The following TAFA2 variants were observed in gnomAD, a reference collection of about 807,000 sequenced individuals.
TAFA2 encodes chemokine-like protein TAFA-2.
A neutral mutation model predicts 18.8 loss-of-function variants in TAFA2; 7 were observed. The ratio of observed to expected loss-of-function variants is 0.37; its 90% CI spans 0.21 to 0.70. TAFA2 has a LOEUF of 0.70. Ranked by LOEUF, TAFA2 falls within the 30% of genes least tolerant of loss-of-function variation. The pLI is 0.53. For synonymous variants in TAFA2, 60 were observed against 54.2 expected (o/e 1.11, Z -0.47); for missense variants, 122 against 158.1 (o/e 0.77, Z 1.23).
intron 1 of TAFA2, among the ~76,000 whole-genome samples, chr12:62,202,617 C>A (rs202078330): frequency 3.3e-5 from 5 of 151,818 alleles, no homozygotes; most frequent in African/African-American, 4.8e-5. Flanking sequence ...CCACTGTGCC[C>A]GGTCCTTTCT....
intron 2 of TAFA2, among the ~76,000 whole-genome samples, chr12:61,787,285 G>T (rs1339030129): frequency 7.3e-5 from 11 of 151,516 alleles, no homozygotes; most frequent in Non-Finnish European, 1.6e-4. Flanking sequence ...TTCACCACCA[G>T]ACTGATCTTA....
chr12:62,153,091 GA>G (rs757777061), intron 1 of TAFA2, among the ~76,000 whole-genome samples: 1 of 152,100 alleles, frequency 6.6e-6, no homozygotes. Flanking sequence ...TCCCACAATT[GA>G]AATTGGAAAT....
intron 2 of TAFA2, among the ~76,000 whole-genome samples, chr12:61,756,033 C>T (rs1869250192): frequency 6.6e-6 from 1 of 151,886 alleles, no homozygotes; most frequent in African/African-American, 2.4e-5. Flanking sequence ...TGTTTAATGG[C>T]ATAAACATAA....
At chr12:61,777,335 T>C (rs1290826553) in intron 2 of TAFA2, among the ~76,000 whole-genome samples, 2 of 151,836 alleles carry the variant, frequency 1.3e-5, no homozygotes, top group Non-Finnish European at 2.9e-5. Flanking sequence ...ATCGGGAGGA[T>C]TAAACAAGAT....
intron 1 of TAFA2, among the ~76,000 whole-genome samples, chr12:61,901,664 CA>C (rs1248294891): frequency 2.0e-5 from 3 of 151,914 alleles, no homozygotes; most frequent in African/African-American, 7.2e-5. Context: ...TTATTTTTTT[CA>C]GGTAAGATCA....
chr12:62,152,023 T>A (rs1189110293), intron 1 of TAFA2, among the ~76,000 whole-genome samples: 1 of 152,200 alleles, frequency 6.6e-6, no homozygotes, highest in Non-Finnish European at 1.5e-5. Context: ...CATTTTTGAT[T>A]TAGTGTATTC....
chr12:61,879,624 A>C, intron 1 of TAFA2: 1 of 817,774 alleles, frequency 1.2e-6, no homozygotes, highest in Non-Finnish European at 2.2e-6. Flanking sequence ...ATTCAAAACA[A>C]GTTTGCCTCC....
intron 1 of TAFA2, among the ~76,000 whole-genome samples, chr12:61,948,854 C>T (rs1878369965): frequency 6.6e-6 from 1 of 152,320 alleles, no homozygotes; most frequent in Admixed American, 6.5e-5. Context: ...ATAGTGTGAG[C>T]TAAGCAGAAG....
intron 1 of TAFA2, among the ~76,000 whole-genome samples, chr12:61,907,142 A>G (rs1167619978): frequency 6.6e-6 from 1 of 152,252 alleles, no homozygotes; most frequent in Non-Finnish European, 1.5e-5. Flanking sequence ...ACAGATTTGC[A>G]TAAGCAATGA....
In TAFA2 at chr12:61,853,391, G is replaced by A. The variant is rs140367062; in HGVS notation, c.106+13929C>T. Among the ~76,000 whole-genome samples, 221 of 152,124 alleles carry A rather than the reference G, an allele frequency of 1.5e-3. 4 individuals carry two copies. The highest frequency in any genetic ancestry group is 5.1e-3 in the African/African-American group (212 of 41,498). On this transcript the variant is annotated intron_variant, in intron 2 of 4. Coordinates refer to ENST00000416284, the MANE Select transcript of TAFA2 (RefSeq NM_178539.5). Reference sequence around the variant, plus strand: ...ATAAGACAGAGAGTGACAAGATGAGGAAGAGTATAAAAAAAATTTAAAACA... The same window carrying A: ...ATAAGACAGAGAGTGACAAGATGAGAAAGAGTATAAAAAAAATTTAAAACA...
chr12:61,770,243 G>C (rs929278877), intron 2 of TAFA2, among the ~76,000 whole-genome samples: 1 of 151,998 alleles, frequency 6.6e-6, no homozygotes, highest in Non-Finnish European at 1.5e-5. Context: ...TTGGAATTAT[G>C]TTAATCAAAC....
rs1022826137 is a variant in TAFA2, at chr12:62,191,607, T to G, written c.-350A>C. 1 of 152,214 alleles carries G rather than the reference T, an allele frequency of 6.6e-6. No homozygotes were observed. The highest frequency in any genetic ancestry group is 2.4e-5 in the African/African-American group (1 of 41,448). The allele number at this position is 152,214 out of a possible 1,614,324, so 9.4% of individuals were successfully genotyped here. A position where few individuals can be genotyped will look rare whatever the true frequency, so the allele number is the denominator to read the frequency against. ...CCACAGTGTCAAAGTAATCAAAAGA[T>G]TTGTTTACTGAGGAAAAGCCAAAGT... On this transcript the variant is annotated 5_prime_UTR_variant, in exon 1 of 5. Transcript: ENST00000416284.
intron 1 of TAFA2, among the ~76,000 whole-genome samples, chr12:62,040,582 A>G (rs1881730710): frequency 6.6e-6 from 1 of 152,144 alleles, no homozygotes; most frequent in Non-Finnish European, 1.5e-5. Flanking sequence ...GAGCCAAGGA[A>G]GCACTCTCCT....
chr12:62,110,166 T>C (rs1869658308), intron 1 of TAFA2, among the ~76,000 whole-genome samples: 1 of 152,196 alleles, frequency 6.6e-6, no homozygotes, highest in Non-Finnish European at 1.5e-5. Context: ...ATACCTAGTT[T>C]ATTGAGAGTT....
intron 1 of TAFA2, among the ~76,000 whole-genome samples, chr12:62,093,001 A>G (rs988701193): frequency 6.6e-5 from 10 of 152,052 alleles, no homozygotes; most frequent in African/African-American, 2.4e-4. Flanking sequence ...TTTATTTGAT[A>G]TAGGAAATTT....
At chr12:62,229,475 A>G (rs1333606430) in intron 1 of TAFA2, among the ~76,000 whole-genome samples, 1 of 152,048 alleles carries the variant, frequency 6.6e-6, no homozygotes, top group Non-Finnish European at 1.5e-5. Flanking sequence ...TGAAATGATC[A>G]TATGGTTTTT....
intron 1 of TAFA2, among the ~76,000 whole-genome samples, chr12:62,064,762 A>G (rs1316597801): frequency 6.6e-6 from 1 of 152,066 alleles, no homozygotes; most frequent in African/African-American, 2.4e-5. Context: ...TTCACTATGT[A>G]TTAATCCATC....
At chr12:62,052,176 G>A (rs1015153650) in intron 1 of TAFA2, among the ~76,000 whole-genome samples, 1 of 50,768 alleles carries the variant, frequency 2.0e-5, no homozygotes, top group Admixed American at 2.5e-4. Flanking sequence ...TCTTTTGTGT[G>A]TGTGCATGTG....
At chr12:61,790,323 C>T (rs1342313231) in intron 2 of TAFA2, among the ~76,000 whole-genome samples, 1 of 151,846 alleles carries the variant, frequency 6.6e-6, no homozygotes, top group Non-Finnish European at 1.5e-5. Flanking sequence ...GAAGTGTGCT[C>T]ATTTAAACAA....
Sources: gnomAD v4.1 joint callset for allele counts (sites outside exome capture counted in the v4.1 genomes callset) on GRCh38, gnomAD v4.1.1 for gene constraint, MANE v1.5 for transcripts, NCBI Gene and HGNC (gene_info 2026-07-23, HGNC 2026-07-21) for gene names.